Variants in LRP12 observed in about 807,000 individuals in gnomAD.
LRP12 encodes LDL receptor related protein 12, also known as low-density lipoprotein receptor-related protein 12.
In LRP12, 14 loss-of-function variants were observed where a neutral mutation model predicts 66.0. That is an observed-to-expected ratio of 0.21 (90% confidence interval 0.14 to 0.33). The LOEUF is 0.33. LRP12 is among the 10% of genes least tolerant of loss of function. The probability of loss-of-function intolerance (pLI) is 1.00; values close to 1 mark genes in which losing one functional copy is unlikely to be tolerated. For synonymous variants in LRP12, 357 were observed against 359.1 expected (o/e 0.99, Z 0.07); for missense variants, 889 against 1,053.4 (o/e 0.84, Z 2.16).
intron 5 of LRP12, 57 bp from the exon 6 acceptor site, chr8:104,495,266 AT>A: frequency 6.6e-7 from 1 of 1,515,692 alleles, no homozygotes; most frequent in Non-Finnish European, 9.1e-7. Context: ...AAAAAGAACA[AT>A]TTTCTATTAT....
At chr8:104,571,577 C>T (rs542646884) in intron 1 of LRP12, among the ~76,000 whole-genome samples, 4 of 152,280 alleles carry the variant, frequency 2.6e-5, no homozygotes, top group East Asian at 1.9e-4. Context: ...AGGTGCCTTA[C>T]TTCCCTTTCA....
chr8:104,560,455 G>T (rs1371557143), intron 1 of LRP12, among the ~76,000 whole-genome samples: 1 of 152,106 alleles, frequency 6.6e-6, no homozygotes, highest in Non-Finnish European at 1.5e-5. Context: ...AAGAGAGGTT[G>T]GTAGCTGTTG....
chr8:104,495,155 A>G lies in LRP12; in HGVS notation c.1635T>C (p.Ala545=), dbSNP rs1810704589. The change falls in exon 6 of 7, where the codon GCT becomes GCC. Residue 545 remains alanine (A), a synonymous_variant. Transcript: ENST00000276654. ...CAATCAATTGTCCATACGAGGGAGGAGCTTCTCTTCTTAACAATTCTGCTT... is the reference window on the plus strand; with the variant it reads ...CAATCAATTGTCCATACGAGGGAGGGGCTTCTCTTCTTAACAATTCTGCTT... ...RVEAELLRRE[A]PPSYGQLIAQ... 6.2e-7 allele frequency: 1 copy of G among 1,613,704 alleles called. No homozygotes were observed. The highest frequency in any genetic ancestry group is 8.5e-7 in the Non-Finnish European group (1 of 1,179,696).
chr8:104,589,219 C>G lies in LRP12; in HGVS notation c.-322G>C, dbSNP rs984678394. 6.6e-6 allele frequency among the ~76,000 whole-genome samples: 1 copy of G among 151,564 alleles called. No individual in the cohort carries two copies. The highest frequency in any genetic ancestry group is 1.5e-5 in the Non-Finnish European group (1 of 67,778). On this transcript the variant is annotated 5_prime_UTR_variant, in exon 1 of 7. Coordinates refer to ENST00000276654, the MANE Select transcript of LRP12 (RefSeq NM_013437.5). Reference sequence around the variant, plus strand: ...GGTGGCGGACGCCGGACTCCGGCCTCGCGCCGCTCGGGCTAGCCGGCGCCG... The same window carrying G: ...GGTGGCGGACGCCGGACTCCGGCCTGGCGCCGCTCGGGCTAGCCGGCGCCG...
intron 1 of LRP12, among the ~76,000 whole-genome samples, chr8:104,547,805 A>T (rs1564141575): frequency 7.8e-6 from 1 of 127,838 alleles, no homozygotes; most frequent in African/African-American, 2.9e-5. Flanking sequence ...TATATATTAT[A>T]TATAATTCTA....
intron 1 of LRP12, among the ~76,000 whole-genome samples, chr8:104,566,744 T>C (rs943647599): frequency 1.3e-5 from 2 of 152,184 alleles, no homozygotes; most frequent in African/African-American, 4.8e-5. Flanking sequence ...TCCTTAGTAG[T>C]ATCTTCAATA....
chr8:104,571,881 T>C (rs954699419), intron 1 of LRP12, among the ~76,000 whole-genome samples: 3 of 152,082 alleles, frequency 2.0e-5, no homozygotes, highest in African/African-American at 7.2e-5. Context: ...TGCAGAAAAA[T>C]TGTCTTCCAC....
chr8:104,552,026 G>A (rs1260287213), intron 1 of LRP12, among the ~76,000 whole-genome samples: 2 of 152,174 alleles, frequency 1.3e-5, no homozygotes, highest in Non-Finnish European at 2.9e-5. Flanking sequence ...AAAGGATAAA[G>A]AATGTATAAA....
At chr8:104,546,784 T>G (rs913355514) in intron 1 of LRP12, among the ~76,000 whole-genome samples, 1 of 151,254 alleles carries the variant, frequency 6.6e-6, no homozygotes, top group Non-Finnish European at 1.5e-5. Flanking sequence ...AGAAGAGGCA[T>G]GCCATTTTTA....
At chr8:104,518,530 G>A (rs537126001) in intron 2 of LRP12, among the ~76,000 whole-genome samples, 18 of 152,146 alleles carry the variant, frequency 1.2e-4, no homozygotes, top group African/African-American at 3.9e-4. Flanking sequence ...AATGACAAAA[G>A]TGGTCTATTC....
At chr8:104,582,747 A>T (rs1253498355) in intron 1 of LRP12, among the ~76,000 whole-genome samples, 1 of 152,080 alleles carries the variant, frequency 6.6e-6, no homozygotes, top group Non-Finnish European at 1.5e-5. Context: ...ATGTGCTTGT[A>T]TAGTGTTCAT....
chr8:104,491,590 T>TAAAAA (rs34073040), intron 6 of LRP12, 51 bp from the exon 7 acceptor site: 25 of 819,784 alleles, frequency 3.0e-5, no homozygotes, highest in Non-Finnish European at 4.0e-5. Flanking sequence ...GGTACTAAGA[T>TAAAAA]AAAAAAAAAA....
Position 104,491,250 on chromosome 8 carries a change from G to A in LRP12, c.2003C>T (p.Ser668Phe), listed in dbSNP as rs867846982. ...ENERRDMAGA[S>F]GGVAAPLPQK... ...AGGCAAAGGAGCTGCAACCCCACCA[G>A]ATGCTCCTGCCATATCTCTTCTCTC... is the stretch of plus-strand genomic sequence containing the variant. Residue 668 changes from serine to phenylalanine, a missense_variant, in exon 7 of 7, where the codon TCT becomes TTT. This residue lies in a region of LRP12 where 800 missense variants were observed against 964.5 expected (regional missense o/e 0.83). Transcript: ENST00000276654. 1 of 1,613,932 alleles carries A rather than the reference G, an allele frequency of 6.2e-7. No individual in the cohort carries two copies. Among genetic ancestry groups the A allele is most frequent in the African/African-American group, 1.3e-5 (1 of 74,996 alleles).
At chr8:104,535,664 C>T (rs2140865960) in intron 1 of LRP12, among the ~76,000 whole-genome samples, 1 of 151,990 alleles carries the variant, frequency 6.6e-6, no homozygotes, top group East Asian at 1.9e-4. Flanking sequence ...ATGAGAAAAC[C>T]AAAGCTTCTA....
intron 1 of LRP12, among the ~76,000 whole-genome samples, chr8:104,572,709 AAAT>A (rs1322969290): frequency 5.3e-5 from 8 of 152,076 alleles, no homozygotes; most frequent in Admixed American, 5.2e-4. Flanking sequence ...AATACAGGTA[AAAT>A]AATGTTCTAG....
chr8:104,543,737 C>T (rs965304414), intron 1 of LRP12, among the ~76,000 whole-genome samples: 2 of 152,148 alleles, frequency 1.3e-5, no homozygotes, highest in African/African-American at 4.8e-5. Flanking sequence ...GCCTTGACAA[C>T]ATGGTGAAAC....
chr8:104,528,778 CA>C (rs11315340), intron 2 of LRP12, among the ~76,000 whole-genome samples: 10,720 of 144,270 alleles, frequency 0.074, 1,068 homozygotes, highest in African/African-American at 0.24. Flanking sequence ...GACTCCATCT[CA>C]AAAAAAAAAC....
intron 2 of LRP12, among the ~76,000 whole-genome samples, chr8:104,524,113 G>T (rs548882730): frequency 6.6e-6 from 1 of 151,742 alleles, no homozygotes; most frequent in Non-Finnish European, 1.5e-5. Flanking sequence ...CATGTGGTGC[G>T]CACCTGTAGT....
chr8:104,531,929 C>T lies in LRP12; in HGVS notation c.114G>A (p.Val38=). ...NGALAEHSEN[V]HISGVSTACG... is the part of the protein sequence containing the mutation. Reference sequence around the variant, plus strand: ...TACCAGTTGACACTCCTGAAATATGCACATTTTCAGAATGTTCTGCAAGAG... The same window carrying T: ...TACCAGTTGACACTCCTGAAATATGTACATTTTCAGAATGTTCTGCAAGAG... The change falls in exon 2 of 7, where the codon GTG becomes GTA. Residue 38 remains valine (V), a synonymous_variant. Coordinates refer to ENST00000276654, the MANE Select transcript of LRP12 (RefSeq NM_013437.5). 1 of 1,591,306 alleles carries T rather than the reference C, an allele frequency of 6.3e-7. No individual in the cohort carries two copies. Among genetic ancestry groups the T allele is most frequent in the Non-Finnish European group, 8.5e-7 (1 of 1,169,614 alleles).
Sources: gnomAD v4.1 joint callset for allele counts (sites outside exome capture counted in the v4.1 genomes callset) on GRCh38, gnomAD v4.1.1 for gene constraint, gnomAD v4.1.1 regional missense constraint, MANE v1.5 for transcripts, NCBI Gene and HGNC (gene_info 2026-07-23, HGNC 2026-07-21) for gene names.